SYTL4: variants seen among roughly 807,000 people sequenced by gnomAD.
SYTL4 encodes the protein synaptotagmin like 4, also known as synaptotagmin-like protein 4.
SYTL4 carries 16 observed loss-of-function variants against 52.7 expected under a neutral mutation model. That is an observed-to-expected ratio of 0.30 (90% CI 0.21 to 0.46). The LOEUF is 0.46. Ranked by LOEUF, SYTL4 falls within the 20% of genes least tolerant of loss-of-function variation. The pLI, the probability that SYTL4 is intolerant of heterozygous loss-of-function variation, is 1.00. For missense variants in SYTL4, 423 were observed against 519.9 expected, an observed-to-expected ratio of 0.81 and a Z score of 1.81; for synonymous variants, 160 against 186.6, an observed-to-expected ratio of 0.86 and a Z score of 1.16.
intron 2 of SYTL4, among the ~76,000 whole-genome samples, chrX:100,708,053 C>T (rs980384884): frequency 2.9e-4 from 28 of 95,629 alleles, no homozygotes; most frequent in African/African-American, 1.0e-3. Flanking sequence ...GGGAGGGGAA[C>T]ATCATACACC....
At position 100,704,857 on chromosome X, in the gene SYTL4, A is replaced by AT. The variant is rs1330921312; in HGVS notation, c.-211dup. On this transcript the variant is annotated 5_prime_UTR_variant, in exon 3 of 20. Coordinates refer to ENST00000372989, the MANE Select transcript of SYTL4 (RefSeq NM_001370165.1). The stretch of plus-strand genomic sequence containing the variant: ...CTAGACAACACGCCTCTTTCACTTT[A>AT]TTTTTTCTTTTTCTTTTTTTACTAG... The AT allele has an allele frequency of 8.9e-6, 1 of 111,908 alleles. No homozygotes were observed. The allele number at this position is 111,908 out of a possible 1,213,427, so 9.2% of individuals were successfully genotyped here. A position where few individuals can be genotyped will look rare whatever the true frequency, so the allele number is the denominator to read the frequency against.
intron 8 of SYTL4, among the ~76,000 whole-genome samples, chrX:100,693,210 G>A (rs765272208): frequency 3.1e-4 from 35 of 112,241 alleles, no homozygotes; most frequent in African/African-American, 5.8e-4. Context: ...GATTACAGGC[G>A]TGAGCCATCA....
At position 100,676,059 on chromosome X, in the gene SYTL4, G is replaced by C; in HGVS notation, c.1985C>G (p.Ser662Cys). 1 of 1,210,269 alleles carries C rather than the reference G, an allele frequency of 8.3e-7. No individual in the cohort carries two copies. ...ACCCAGCTTCTGCTTGGCCATTGAG[G>C]AACGGAGCTGCAGAGTCCCTTCTGC... ...SWAEGTLQLR[S>C]SMAKQKLGL The change falls in exon 20 of 20, where the codon TCC (serine) becomes TGC (cysteine). Residue 662 changes from serine (S) to cysteine (C), a missense_variant. Coordinates refer to ENST00000372989, the MANE Select transcript of SYTL4 (RefSeq NM_001370165.1).
chrX:100,726,105 C>T (rs1024775900), intron 2 of SYTL4, among the ~76,000 whole-genome samples: 4 of 108,492 alleles, frequency 3.7e-5, no homozygotes, highest in African/African-American at 6.7e-5. Flanking sequence ...CACGGCCACC[C>T]GGAAAAAATT....
chrX:100,717,405 T>C (rs2084249267), intron 2 of SYTL4, among the ~76,000 whole-genome samples: 2 of 113,036 alleles, frequency 1.8e-5, no homozygotes, highest in East Asian at 5.5e-4. Context: ...GTTTTTCAGC[T>C]GGATAAGCAG....
At chrX:100,699,482 CTT>C (rs1181762978) in intron 8 of SYTL4, among the ~76,000 whole-genome samples, 167 of 59,784 alleles carry the variant, frequency 2.8e-3, no homozygotes, top group African/African-American at 0.015. Flanking sequence ...CAGCATTACT[CTT>C]TTTTTTTTTT....
rs1379519445 is a variant in SYTL4, at chrX:100,700,972, G to A, written c.464C>T (p.Ser155Phe). Reference sequence around the variant, plus strand: ...ACCCATCTGTGTCTGATGAAGGAGGGACTGTCCCACTGTCTCTCTTTTACT... The same window carrying A: ...ACCCATCTGTGTCTGATGAAGGAGGAACTGTCCCACTGTCTCTCTTTTACT... The part of the protein sequence containing the change: ...AVSKRETVGQ[S>F]LLHQTQMGDI... Residue 155 changes from serine to phenylalanine, a missense_variant, in exon 8 of 20, where the codon TCC becomes TTC. Coordinates refer to ENST00000372989, the MANE Select transcript of SYTL4 (RefSeq NM_001370165.1). 2.5e-6 allele frequency: 3 copies of A among 1,209,258 alleles called. No individual in the cohort carries two copies. The highest frequency in any genetic ancestry group is 5.9e-5 in the East Asian group (2 of 33,850).
intron 2 of SYTL4, among the ~76,000 whole-genome samples, chrX:100,724,391 C>A (rs772648432): frequency 9.6e-6 from 1 of 103,811 alleles, no homozygotes; most frequent in South Asian, 4.7e-4. Flanking sequence ...TCATTGAGAA[C>A]GGGCCATGAT....
chrX:100,679,130 T>A (rs895241631), intron 18 of SYTL4, among the ~76,000 whole-genome samples, 183 bp downstream of exon 18: 6 of 112,356 alleles, frequency 5.3e-5, no homozygotes, highest in African/African-American at 1.9e-4. Context: ...CTTTGGATTA[T>A]CAAGTCTACA....
At chrX:100,724,284 C>T (rs1489495609) in intron 2 of SYTL4, among the ~76,000 whole-genome samples, 10 of 102,314 alleles carry the variant, frequency 9.8e-5, no homozygotes, top group Non-Finnish European at 1.4e-4. Flanking sequence ...CCGCCCCATC[C>T]GGGAGGTGAG....
chrX:100,724,180 C>A (rs1286401437), intron 2 of SYTL4, among the ~76,000 whole-genome samples: 1 of 98,801 alleles, frequency 1.0e-5, no homozygotes, highest in Non-Finnish European at 2.1e-5. Flanking sequence ...GCCGCCCCGT[C>A]CGGGAGGGAG....
chrX:100,681,235 C>T lies in SYTL4; in HGVS notation c.1550G>A (p.Arg517Gln), dbSNP rs772480125. ...CCCCAAAGAAAACTCACTCTTTTTC[C>T]GGTCACCTCCAACAGGGGTTTTGGA... ...PASKTPVGGD[R>Q]KKSKGGEGGE... The change falls in exon 17 of 20, where the codon CGG becomes CAG. Residue 517 changes from arginine to glutamine, a missense_variant. Physicochemically the swap from Arg to Gln is conservative, Grantham distance 43. Transcript: ENST00000372989. 4 of 1,207,090 alleles carry T rather than the reference C, an allele frequency of 3.3e-6. No individual in the cohort carries two copies. The highest frequency in any genetic ancestry group is 3.0e-5 in the East Asian group (1 of 33,799).
chrX:100,710,462 C>A lies in SYTL4; in HGVS notation c.-239-5576G>T, dbSNP rs778074764. ...ACGTCAAGAAATGTGATGGTGTCTA[C>A]ACTTTTTTCGAAAGATGAGAATTTA... On this transcript the variant is annotated intron_variant, in intron 2 of 19. Transcript: ENST00000372989. Among the ~76,000 whole-genome samples, 234 of 111,979 alleles carry A rather than the reference C, an allele frequency of 2.1e-3. 1 individual carries two copies. Among genetic ancestry groups the A allele is most frequent in the African/African-American group, 6.5e-3 (201 of 30,893 alleles).
intron 2 of SYTL4, among the ~76,000 whole-genome samples, chrX:100,724,163 A>C (rs1187261863): frequency 6.8e-5 from 4 of 58,658 alleles, no homozygotes; most frequent in Admixed American, 3.8e-4. Context: ...AGCCCCCCAC[A>C]CGGCCAGCCG....
At chrX:100,717,587 T>A (rs1418877549) in intron 2 of SYTL4, among the ~76,000 whole-genome samples, 1 of 112,739 alleles carries the variant, frequency 8.9e-6, no homozygotes. Context: ...GTGCTCCATA[T>A]GCTACGCGCA....
chrX:100,728,906 G>A lies in SYTL4; in HGVS notation c.-240+2512C>T, dbSNP rs754573391. Among the ~76,000 whole-genome samples the A allele has an allele frequency of 8.2e-5, 9 of 109,997 alleles. No individual in the cohort carries two copies. In the South Asian group the frequency reaches 2.4e-3, roughly 29 times the overall value. On this transcript the variant is annotated intron_variant, in intron 2 of 19. Coordinates refer to ENST00000372989, the MANE Select transcript of SYTL4 (RefSeq NM_001370165.1). ...CAAAAAGCTAGCCGGGCATGGTGGCGGGCGCCTGTAGTTCCAGCTACTCGG... is the reference window on the plus strand; with the variant it reads ...CAAAAAGCTAGCCGGGCATGGTGGCAGGCGCCTGTAGTTCCAGCTACTCGG...
intron 8 of SYTL4, among the ~76,000 whole-genome samples, chrX:100,696,159 G>A (rs1364773742): frequency 8.9e-6 from 1 of 111,989 alleles, no homozygotes. Flanking sequence ...TCACGTAGAA[G>A]TCTTTGTACA....
rs774923839 is a variant in SYTL4, at chrX:100,723,355, C to T, written c.-240+8063G>A. On this transcript the variant is annotated intron_variant, in intron 2 of 19. Coordinates refer to ENST00000372989, the MANE Select transcript of SYTL4 (RefSeq NM_001370165.1). ...CGGGCTGGTCTCCAGCTCCTAACCA[C>T]GAGTGATCCGCCAGCCTTGGCTTCC... 8.9e-5 allele frequency among the ~76,000 whole-genome samples: 10 copies of T among 112,461 alleles called. No homozygotes were observed. The South Asian group carries it at 1.9e-3, about 21-fold the overall frequency.
intron 8 of SYTL4, among the ~76,000 whole-genome samples, chrX:100,698,154 G>C (rs1378544378): frequency 9.0e-6 from 1 of 110,623 alleles, no homozygotes; most frequent in Non-Finnish European, 1.9e-5. Context: ...CCAGGCTGGA[G>C]TGCAGTGGAG....
Sources: allele counts gnomAD v4.1 joint callset (sites outside exome capture counted in the v4.1 genomes callset), GRCh38; gene constraint gnomAD v4.1.1; transcripts MANE v1.5; gene names NCBI Gene and HGNC (gene_info 2026-07-23, HGNC 2026-07-21).